The following HOOK3 variants were observed in gnomAD, a reference collection of about 807,000 sequenced individuals.
HOOK3 encodes the protein hook microtubule tethering protein 3.
A neutral mutation model predicts 116.3 loss-of-function variants in HOOK3; 24 were observed. The observed-to-expected ratio is 0.21, with a 90% CI of 0.15 to 0.29. The LOEUF (loss-of-function observed/expected upper bound fraction) is 0.29, where lower values mean the gene tolerates loss of function less well. Ranked by LOEUF, HOOK3 falls within the 10% of genes least tolerant of loss-of-function variation. The pLI is 1.00. For missense variants in HOOK3, 632 were observed against 830.2 expected, an observed-to-expected ratio of 0.76 and a Z score of 2.93; for synonymous variants, 275 against 283.0, an observed-to-expected ratio of 0.97 and a Z score of 0.28.
At chr8:42,990,221 CCTGGA>C (rs1432316052) in intron 15 of HOOK3, among the ~76,000 whole-genome samples, 1 of 149,882 alleles carries the variant, frequency 6.7e-6, no homozygotes, top group African/African-American at 2.4e-5. Flanking sequence ...GTTTCAAACT[CCTGGA>C]CTCAAGGGAT....
chr8:42,992,722 A>AG (rs1352877946), intron 15 of HOOK3, among the ~76,000 whole-genome samples: 25 of 151,658 alleles, frequency 1.6e-4, no homozygotes, highest in Non-Finnish European at 3.2e-4. Context: ...AAAAAAAAAA[A>AG]AAAAAAAAAG....
At chr8:42,974,475 G>A (rs528562577) in intron 13 of HOOK3, among the ~76,000 whole-genome samples, 157 of 152,148 alleles carry the variant, frequency 1.0e-3, no homozygotes, top group African/African-American at 3.6e-3. Flanking sequence ...CTGACCTCAG[G>A]TAATCCCACC....
chr8:42,905,583 G>A (rs956009978), intron 1 of HOOK3, among the ~76,000 whole-genome samples: 10 of 152,128 alleles, frequency 6.6e-5, no homozygotes, highest in East Asian at 5.8e-4. Flanking sequence ...TGAACGTGCC[G>A]TGATTTTCAT....
chr8:42,959,608 A>G (rs1586610255), intron 8 of HOOK3, among the ~76,000 whole-genome samples: 1 of 150,798 alleles, frequency 6.6e-6, no homozygotes, highest in East Asian at 2.0e-4. Context: ...AATCCCAGCT[A>G]CTTGGGAGGC....
At chr8:42,939,773 G>C (rs1430213161) in intron 4 of HOOK3, among the ~76,000 whole-genome samples, 1 of 150,466 alleles carries the variant, frequency 6.6e-6, no homozygotes, top group African/African-American at 2.4e-5. Context: ...AGATGGGGCA[G>C]CTGCCGGGCA....
intron 6 of HOOK3, among the ~76,000 whole-genome samples, chr8:42,955,963 G>A (rs1808424921): frequency 6.6e-6 from 1 of 152,056 alleles, no homozygotes; most frequent in Non-Finnish European, 1.5e-5. Flanking sequence ...CAACTCCTGG[G>A]CTCAAGCATT....
chr8:42,939,287 G>C (rs542040920), intron 4 of HOOK3, among the ~76,000 whole-genome samples: 1 of 152,184 alleles, frequency 6.6e-6, no homozygotes, highest in African/African-American at 2.4e-5. Context: ...CTTCCCAGTA[G>C]GGGCGGCCGG....
chr8:42,927,697 T>A (rs1807795911), intron 3 of HOOK3, among the ~76,000 whole-genome samples: 1 of 152,196 alleles, frequency 6.6e-6, no homozygotes. Context: ...CTCCACCTCC[T>A]GAGCTCAACC....
At position 42,973,402 on chromosome 8, in the gene HOOK3, G is replaced by A. The variant is rs975622545; in HGVS notation, c.1233+3G>A. On this transcript the variant is annotated splice_donor_region_variant and intron_variant, in intron 12 of 21. Coordinates refer to ENST00000307602, the MANE Select transcript of HOOK3 (RefSeq NM_032410.4). ...ACAGTCTTCAAAAAGAAAAGGACGT[G>A]AGTATATATATTAGGCATTTTGGTT... 6.2e-7 allele frequency: 1 copy of A among 1,603,628 alleles called. No individual in the cohort carries two copies. Among genetic ancestry groups the A allele is most frequent in the Non-Finnish European group, 8.5e-7 (1 of 1,172,978 alleles).
At position 42,959,115 on chromosome 8, in the gene HOOK3, C is replaced by T. The variant is rs1586610001; in HGVS notation, c.532-116C>T. 3.7e-5 allele frequency: 24 copies of T among 651,322 alleles called. No homozygotes were observed. The East Asian group carries it at 6.6e-4, about 18-fold the overall frequency. The allele number at this position is 651,322 out of a possible 1,614,324, so 40.3% of individuals were successfully genotyped here. On this transcript the variant is annotated intron_variant, in intron 7 of 21. Coordinates refer to ENST00000307602, the MANE Select transcript of HOOK3 (RefSeq NM_032410.4). ...CCACAGGATTCTTGATTTCCTCTTG[C>T]ACCCTTCCCTCTTCAGGAAAGACAG... is the stretch of plus-strand genomic sequence containing the variant.
chr8:42,906,295 T>G, intron 2 of HOOK3, 37 bp downstream of exon 2: 1 of 1,339,258 alleles, frequency 7.5e-7, no homozygotes, highest in African/African-American at 1.5e-5. Flanking sequence ...TGTATTCTTA[T>G]GCATGGATAT....
chr8:42,989,420 G>A (rs1282123449), intron 15 of HOOK3, among the ~76,000 whole-genome samples: 1 of 152,160 alleles, frequency 6.6e-6, no homozygotes, highest in Non-Finnish European at 1.5e-5. Context: ...CCATGAGGTA[G>A]GCATTATAAT....
chr8:42,901,131 G>T (rs1807180201), intron 1 of HOOK3, among the ~76,000 whole-genome samples: 1 of 152,138 alleles, frequency 6.6e-6, no homozygotes, highest in African/African-American at 2.4e-5. Context: ...ATGTCTCCTC[G>T]GGAGCAAAAT....
At chr8:43,007,960 G>C (rs199703735) in intron 18 of HOOK3, 31 bp downstream of exon 18, 78 of 1,276,402 alleles carry the variant, frequency 6.1e-5, no homozygotes, top group Non-Finnish European at 7.5e-5. Flanking sequence ...TAGTTTTTAA[G>C]TGGGCTTGCT....
At chr8:43,003,908 G>C (rs1018340012) in intron 17 of HOOK3, among the ~76,000 whole-genome samples, 4 of 152,240 alleles carry the variant, frequency 2.6e-5, no homozygotes, top group Middle Eastern at 3.4e-3. Context: ...CTGATCCAGC[G>C]TGCCCTCATC....
chr8:42,922,589 A>C (rs556138454), intron 2 of HOOK3, among the ~76,000 whole-genome samples: 2 of 151,886 alleles, frequency 1.3e-5, no homozygotes, highest in East Asian at 1.9e-4. Context: ...TGTTTGCAAA[A>C]TATGCCATCA....
chr8:42,933,228 TATAAA>T (rs1260690796), intron 4 of HOOK3, among the ~76,000 whole-genome samples: 2 of 152,190 alleles, frequency 1.3e-5, no homozygotes, highest in Non-Finnish European at 2.9e-5. Context: ...TCTTTAATAA[TATAAA>T]AGTGTGAGAT....
chr8:42,989,650 T>C (rs192212048), intron 15 of HOOK3, among the ~76,000 whole-genome samples: 1 of 152,336 alleles, frequency 6.6e-6, no homozygotes, highest in African/African-American at 2.4e-5. Context: ...ACAATTACAT[T>C]ATTTTTTACT....
At position 42,997,573 on chromosome 8, in the gene HOOK3, A is replaced by G. The variant is rs1465785345; in HGVS notation, c.1556A>G (p.Glu519Gly). ...ENRLVNQRLL[E>G]VQSQVEELQK... ...AGGCTGGTGAATCAAAGACTTCTGGAAGTACAGTCACAAGTTGAAGAATTA... is the reference window on the plus strand; with the variant it reads ...AGGCTGGTGAATCAAAGACTTCTGGGAGTACAGTCACAAGTTGAAGAATTA... Residue 519 changes from glutamate to glycine, a missense_variant, in exon 16 of 22, where the codon GAA becomes GGA. Around this residue, in one of 3 missense-constraint regions of HOOK3, gnomAD observed 483 missense variants for 648.1 expected, o/e 0.75. Coordinates refer to ENST00000307602, the MANE Select transcript of HOOK3 (RefSeq NM_032410.4). The G allele has an allele frequency of 1.9e-6, 3 of 1,608,896 alleles. No individual in the cohort carries two copies. Among genetic ancestry groups the G allele is most frequent in the Non-Finnish European group, 2.5e-6 (3 of 1,176,600 alleles).
Sources: allele counts gnomAD v4.1 joint callset (sites outside exome capture counted in the v4.1 genomes callset), GRCh38; gene constraint gnomAD v4.1.1; regional missense constraint gnomAD v4.1.1; transcripts MANE v1.5; gene names NCBI Gene and HGNC (gene_info 2026-07-23, HGNC 2026-07-21).